The following CMIP variants were observed in gnomAD, a reference collection of about 807,000 sequenced individuals.
CMIP encodes C-Maf-inducing protein.
A neutral mutation model predicts 97.3 loss-of-function variants in CMIP; 13 were observed. The ratio of observed to expected loss-of-function variants is 0.13; its 90% CI spans 0.09 to 0.21. The LOEUF is 0.21. Ranked by LOEUF, CMIP falls within the 10% of genes least tolerant of loss-of-function variation. The pLI is 1.00. For synonymous variants in CMIP, 538 were observed against 436.3 expected (o/e 1.23, Z -2.91); for missense variants, 847 against 1,024.9 (o/e 0.83, Z 2.37).
intron 1 of CMIP, chr16:81,476,012 T>C: frequency 3.3e-6 from 2 of 598,404 alleles, no homozygotes; most frequent in Non-Finnish European, 6.1e-6. Flanking sequence ...AGATAAAACA[T>C]AAGTCAAACT....
chr16:81,452,760 G>T (rs1906298283), intron 1 of CMIP, among the ~76,000 whole-genome samples: 1 of 151,858 alleles, frequency 6.6e-6, no homozygotes, highest in South Asian at 2.1e-4. Flanking sequence ...GTTATTATCT[G>T]TTTAAAAAAT....
rs553559569 is a variant in CMIP, at chr16:81,638,981, G to C, written c.478-13222G>C. ...CAGTTTTCCTGGAGAAACAGCCCCC[G>C]CCGGGATTAGGACCGTGTGAAGATC... On this transcript the variant is annotated intron_variant, in intron 3 of 20. Transcript: ENST00000537098. Among the ~76,000 whole-genome samples the C allele has an allele frequency of 1.4e-4, 22 of 152,264 alleles. No homozygotes were observed. The East Asian group carries it at 4.1e-3, about 28-fold the overall frequency.
chr16:81,664,842 T>C (rs2151026168), intron 7 of CMIP: 1 of 215,860 alleles, frequency 4.6e-6, no homozygotes, highest in South Asian at 1.8e-4. Flanking sequence ...ATTCCCTTCA[T>C]AGGACGTATA....
chr16:81,680,744 C>T (rs367662331), intron 10 of CMIP, among the ~76,000 whole-genome samples: 4 of 152,202 alleles, frequency 2.6e-5, no homozygotes, highest in African/African-American at 9.7e-5. Context: ...GGGCGCCTCC[C>T]TGGATTTTGG....
At chr16:81,494,660 G>A (rs1176446304) in intron 1 of CMIP, among the ~76,000 whole-genome samples, 2 of 151,990 alleles carry the variant, frequency 1.3e-5, no homozygotes, top group Non-Finnish European at 2.9e-5. Context: ...GATGCTTAAG[G>A]TCACACAGCA....
intron 2 of CMIP, chr16:81,610,559 C>T (rs1371638653): frequency 1.0e-6 from 1 of 984,546 alleles, no homozygotes; most frequent in Non-Finnish European, 1.2e-6. Context: ...AGCCCCTGCC[C>T]CTGGCGGCTG....
rs2090514326 is a variant in CMIP, at chr16:81,544,781, A to G, written c.301-62786A>G. On this transcript the variant is annotated intron_variant, in intron 1 of 20. Coordinates refer to ENST00000537098, the MANE Select transcript of CMIP (RefSeq NM_198390.3). Reference sequence around the variant, plus strand: ...TATGTGTGGAGTGTTGCGTGTGTGCACGTGTGTGTGGAGAGGGTGTATGTG... The same window carrying G: ...TATGTGTGGAGTGTTGCGTGTGTGCGCGTGTGTGTGGAGAGGGTGTATGTG... 2.6e-5 allele frequency among the ~76,000 whole-genome samples: 4 copies of G among 151,800 alleles called. No individual in the cohort carries two copies. The South Asian group carries it at 8.3e-4, about 32-fold the overall frequency.
chr16:81,701,625 C>T, intron 15 of CMIP, 35 bp from the exon 16 acceptor site: 3 of 1,613,438 alleles, frequency 1.9e-6, no homozygotes, highest in Middle Eastern at 1.7e-4. Context: ...GGGTGGCAGG[C>T]CGGGTCCGTA....
chr16:81,702,495 A>G, intron 16 of CMIP, 127 bp from the exon 17 acceptor site: 1 of 953,210 alleles, frequency 1.0e-6, no homozygotes. Context: ...TGAGACCAAG[A>G]CCACCGTGTT....
intron 1 of CMIP, among the ~76,000 whole-genome samples, chr16:81,606,774 G>A (rs1486967732): frequency 6.6e-6 from 1 of 152,160 alleles, no homozygotes; most frequent in African/African-American, 2.4e-5. Context: ...GTGAGCACCG[G>A]AAAAGGAGGG....
chr16:81,585,995 A>G (rs928236812), intron 1 of CMIP, among the ~76,000 whole-genome samples: 1 of 152,134 alleles, frequency 6.6e-6, no homozygotes, highest in Admixed American at 6.5e-5. Context: ...CTGTTAGTGA[A>G]CGTGTGGTCC....
chr16:81,662,398 G>C (rs1160669404), intron 6 of CMIP, among the ~76,000 whole-genome samples: 5 of 152,186 alleles, frequency 3.3e-5, no homozygotes, highest in South Asian at 4.1e-4. Flanking sequence ...AAAGGGATGA[G>C]GTAGAAAAAG....
At chr16:81,483,735 C>G (rs1225921114) in intron 1 of CMIP, among the ~76,000 whole-genome samples, 2 of 152,208 alleles carry the variant, frequency 1.3e-5, no homozygotes, top group Non-Finnish European at 2.9e-5. Context: ...ATCCCCTCCT[C>G]CAGCTATCCT....
At chr16:81,657,039 A>G (rs1304162721) in intron 4 of CMIP, among the ~76,000 whole-genome samples, 1 of 126,724 alleles carries the variant, frequency 7.9e-6, no homozygotes, top group Non-Finnish European at 1.8e-5. Flanking sequence ...TAATGCAGAT[A>G]TTCCAAAATT....
chr16:81,445,531 C>T lies in CMIP; in HGVS notation c.290C>T (p.Ala97Val), dbSNP rs1229057626. The T allele has an allele frequency of 1.9e-6, 3 of 1,547,428 alleles. No individual in the cohort carries two copies. The highest frequency in any genetic ancestry group is 1.2e-5 in the South Asian group (1 of 84,024). ...CTAACGCTGGCCGACAACAGCCTGG[C>T]GTCCGCCACGGTGAGTGGCTCTGCG... ...HHLTLADNSL[A>V]SATPTGYMEN... is the part of the protein sequence containing the mutation. Residue 97 changes from alanine (A) to valine (V), a missense_variant, in exon 1 of 21, where the codon GCG becomes GTG. Around this residue, in one of 4 missense-constraint regions of CMIP, gnomAD observed 285 missense variants for 392.2 expected, o/e 0.73. Transcript: ENST00000537098.
chr16:81,550,328 T>C lies in CMIP; in HGVS notation c.301-57239T>C, dbSNP rs572356015. The stretch of plus-strand genomic sequence containing the variant: ...TGGTGTGGAGTGGCATTGAAGGTCA[T>C]GGGTCATAGGTGTGTGTGTGGCTGG... On this transcript the variant is annotated intron_variant, in intron 1 of 20. Transcript: ENST00000537098. Among the ~76,000 whole-genome samples, 11 of 152,282 alleles carry C rather than the reference T, an allele frequency of 7.2e-5. No homozygotes were observed. The East Asian group carries it at 2.1e-3, about 29-fold the overall frequency.
chr16:81,556,028 A>G (rs2090756061), intron 1 of CMIP, among the ~76,000 whole-genome samples: 1 of 152,246 alleles, frequency 6.6e-6, no homozygotes, highest in South Asian at 2.1e-4. Flanking sequence ...CTGGCCAAAC[A>G]GAATCACCGT....
intron 1 of CMIP, among the ~76,000 whole-genome samples, chr16:81,497,763 C>T (rs1436159484): frequency 6.6e-6 from 1 of 152,236 alleles, no homozygotes. Flanking sequence ...AGCCACAGGG[C>T]TTGTGCTCTG....
chr16:81,616,454 G>GGT lies in CMIP; in HGVS notation c.427-4414_427-4413dup. On this transcript the variant is annotated intron_variant, in intron 2 of 20. Coordinates refer to ENST00000537098, the MANE Select transcript of CMIP (RefSeq NM_198390.3). The surrounding 1 kb of genome is among the most constrained non-coding windows in gnomAD (Gnocchi z 4.7). ...GATGGGTGCGTTGAGGAGGAGAGGA[G>GGT]GTGTGTGTGAGCATTTCTCGTGGTG... Among the ~76,000 whole-genome samples the GGT allele has an allele frequency of 6.6e-6, 1 of 152,346 alleles. No homozygotes were observed. Among genetic ancestry groups the GGT allele is most frequent in the South Asian group, 2.1e-4 (1 of 4,828 alleles).
Sources: allele counts gnomAD v4.1 joint callset (sites outside exome capture counted in the v4.1 genomes callset), GRCh38; gene constraint gnomAD v4.1.1; regional missense constraint gnomAD v4.1.1; non-coding constraint Gnocchi (gnomAD v3.1); transcripts MANE v1.5; gene names NCBI Gene and HGNC (gene_info 2026-07-23, HGNC 2026-07-21).